ZSWIM6: variants seen among roughly 807,000 people sequenced by gnomAD.
ZSWIM6 encodes the protein zinc finger SWIM domain-containing protein 6.
ZSWIM6 carries 9 observed loss-of-function variants against 113.2 expected under a neutral mutation model. The observed-to-expected ratio is 0.08, with a 90% CI of 0.05 to 0.14. ZSWIM6 has a LOEUF of 0.14. ZSWIM6 is among the 10% of genes least tolerant of loss of function. ZSWIM6 has a pLI of 1.00. For synonymous variants in ZSWIM6, 611 were observed against 606.5 expected, an observed-to-expected ratio of 1.01 and a Z score of -0.11; for missense variants, 1,162 against 1,552.2, an observed-to-expected ratio of 0.75 and a Z score of 4.22.
chr5:61,537,782 C>T (rs1749618230), intron 10 of ZSWIM6, among the ~76,000 whole-genome samples: 1 of 152,154 alleles, frequency 6.6e-6, no homozygotes, highest in African/African-American at 2.4e-5. Flanking sequence ...TATCTTATTT[C>T]ATAGTTCTTA....
At chr5:61,444,693 T>C (rs143587160) in intron 1 of ZSWIM6, among the ~76,000 whole-genome samples, 160 of 152,338 alleles carry the variant, frequency 1.1e-3, no homozygotes, top group African/African-American at 3.6e-3. Flanking sequence ...GTTTTTGATA[T>C]TAATGTTTAA....
rs140762992 is a variant in ZSWIM6 at position 61,482,191 on chromosome 5, A to G, written c.1034-8595A>G. Among the ~76,000 whole-genome samples, 106 of 152,376 alleles carry G rather than the reference A, an allele frequency of 7.0e-4. 1 individual carries two copies. In the Middle Eastern group the frequency reaches 0.031, roughly 44 times the overall value. ...TTACATTTTATATAAGGCTTAGGCA[A>G]CATTGTAATGCATGTAATCAAGACA... On this transcript the variant is annotated intron_variant, in intron 2 of 13. Coordinates refer to ENST00000252744, the MANE Select transcript of ZSWIM6 (RefSeq NM_020928.2).
intron 1 of ZSWIM6, among the ~76,000 whole-genome samples, chr5:61,394,614 A>G (rs533060347): frequency 3.3e-5 from 5 of 152,308 alleles, no homozygotes; most frequent in African/African-American, 1.2e-4. Context: ...TGAGGGGGGA[A>G]TTATCAGTTC....
intron 1 of ZSWIM6, among the ~76,000 whole-genome samples, chr5:61,424,541 A>C (rs753531292): frequency 6.6e-6 from 1 of 152,112 alleles, no homozygotes; most frequent in Non-Finnish European, 1.5e-5. Context: ...CACTGCTTCT[A>C]ATCTTGGGCT....
intron 1 of ZSWIM6, among the ~76,000 whole-genome samples, chr5:61,454,849 G>T (rs1435584914): frequency 1.3e-5 from 2 of 150,970 alleles, no homozygotes; most frequent in Non-Finnish European, 2.9e-5. Flanking sequence ...CTCCCAAAGT[G>T]CTGGGATTAC....
chr5:61,351,123 T>C (rs984659095), intron 1 of ZSWIM6, among the ~76,000 whole-genome samples: 1 of 152,224 alleles, frequency 6.6e-6, no homozygotes, highest in Non-Finnish European at 1.5e-5. Context: ...AATTGTTGCC[T>C]GATCTAGTGC....
At chr5:61,350,880 T>C (rs1436309815) in intron 1 of ZSWIM6, among the ~76,000 whole-genome samples, 1 of 152,228 alleles carries the variant, frequency 6.6e-6, no homozygotes, top group Non-Finnish European at 1.5e-5. Context: ...TACATGAAAG[T>C]ATTTGAATTC....
At chr5:61,408,889 C>CA (rs1345103829) in intron 1 of ZSWIM6, among the ~76,000 whole-genome samples, 4 of 151,764 alleles carry the variant, frequency 2.6e-5, no homozygotes, top group African/African-American at 9.7e-5. Flanking sequence ...CAGAGACTGA[C>CA]AGCGCGAGGG....
Position 61,521,363 on chromosome 5 carries a change from T to C in ZSWIM6, c.1434T>C (p.Cys478=), listed in dbSNP as rs1317314081. ...AGAAATGGAATAGTGTTGATGTCTGTCCATGGGAAGATGGAAATCATGGCA... is the reference window on the plus strand; with the variant it reads ...AGAAATGGAATAGTGTTGATGTCTGCCCATGGGAAGATGGAAATCATGGCA... ...QLKKWNSVDV[C]PWEDGNHGSE... The change falls in exon 5 of 14, where the codon TGT becomes TGC. Residue 478 remains cysteine (C), a synonymous_variant. Coordinates refer to ENST00000252744, the MANE Select transcript of ZSWIM6 (RefSeq NM_020928.2). The C allele has an allele frequency of 4.6e-6, 7 of 1,531,480 alleles. No individual in the cohort carries two copies. Among genetic ancestry groups the C allele is most frequent in the Non-Finnish European group, 5.3e-6 (6 of 1,137,960 alleles). 94.9% of individuals were successfully genotyped at this position (1,531,480 alleles called of 1,614,324 possible). A position where few individuals can be genotyped will look rare whatever the true frequency, so the allele number is the denominator to read the frequency against.
chr5:61,543,576 C>T lies in ZSWIM6; in HGVS notation c.2907C>T (p.Asp969=). Residue 969 remains aspartate (D), a synonymous_variant, in exon 14 of 14, where the codon GAC becomes GAT. Transcript: ENST00000252744. The surrounding 1 kb of genome is among the most constrained non-coding windows in gnomAD (Gnocchi z 4.3). ...GCACCATCGTCCGCCTCCACCTGGACTGCCACCAGCAGGAAAAGCTGGCCA... is the reference window on the plus strand; with the variant it reads ...GCACCATCGTCCGCCTCCACCTGGATTGCCACCAGCAGGAAAAGCTGGCCA... The part of the protein sequence containing the change: ...SNSTIVRLHL[D]CHQQEKLASS... 2 of 1,551,800 alleles carry T rather than the reference C, an allele frequency of 1.3e-6. No homozygotes were observed. Among genetic ancestry groups the T allele is most frequent in the Non-Finnish European group, 1.7e-6 (2 of 1,147,018 alleles).
intron 1 of ZSWIM6, among the ~76,000 whole-genome samples, chr5:61,442,544 C>T (rs1746863045): frequency 6.6e-6 from 1 of 152,186 alleles, no homozygotes; most frequent in Non-Finnish European, 1.5e-5. Context: ...CAGGACCAAC[C>T]TACCTGCAAA....
intron 1 of ZSWIM6, among the ~76,000 whole-genome samples, chr5:61,437,427 A>G (rs1746732457): frequency 6.6e-6 from 1 of 152,166 alleles, no homozygotes; most frequent in Non-Finnish European, 1.5e-5. Flanking sequence ...GACTATGTAA[A>G]AAAACAAAAT....
At chr5:61,443,489 G>A (rs2112149471) in intron 1 of ZSWIM6, among the ~76,000 whole-genome samples, 1 of 152,208 alleles carries the variant, frequency 6.6e-6, no homozygotes, top group East Asian at 1.9e-4. Flanking sequence ...CAGTTCTCTT[G>A]AAGTTCAGGG....
intron 1 of ZSWIM6, among the ~76,000 whole-genome samples, chr5:61,356,346 A>T (rs1318067362): frequency 6.6e-6 from 1 of 152,132 alleles, no homozygotes; most frequent in East Asian, 1.9e-4. Context: ...ACCATCTGCC[A>T]ATTGATTATT....
At chr5:61,375,816 G>A in intron 1 of ZSWIM6, 2 of 1,253,394 alleles carry the variant, frequency 1.6e-6, no homozygotes, top group Middle Eastern at 2.6e-4. Flanking sequence ...GTAAGAAGAA[G>A]AAAAAGAAGG....
chr5:61,347,330 G>A lies in ZSWIM6; in HGVS notation c.676+14382G>A, dbSNP rs191855336. ...TCTGTCAGACTCATTGAAATGCCAA[G>A]TGGTTGATCATGGAGATGATGCAGG... is the stretch of plus-strand genomic sequence containing the variant. On this transcript the variant is annotated intron_variant, in intron 1 of 13. Coordinates refer to ENST00000252744, the MANE Select transcript of ZSWIM6 (RefSeq NM_020928.2). 2.5e-3 allele frequency: 444 copies of A among 177,228 alleles called. 1 individual carries two copies. Among genetic ancestry groups the A allele is most frequent in the Non-Finnish European group, 4.7e-3 (365 of 78,188 alleles). The allele number at this position is 177,228 out of a possible 1,614,324, so 11.0% of individuals were successfully genotyped here. A position where few individuals can be genotyped will look rare whatever the true frequency, so the allele number is the denominator to read the frequency against.
At chr5:61,394,922 T>C (rs1448566119) in intron 1 of ZSWIM6, among the ~76,000 whole-genome samples, 5 of 152,052 alleles carry the variant, frequency 3.3e-5, no homozygotes, top group Non-Finnish European at 2.9e-5. Flanking sequence ...TAGTGGACGT[T>C]GTGTGCCGTG....
At chr5:61,462,827 T>TA (rs1486158911) in intron 1 of ZSWIM6, among the ~76,000 whole-genome samples, 1 of 152,218 alleles carries the variant, frequency 6.6e-6, no homozygotes, top group Admixed American at 6.5e-5. Flanking sequence ...ACATCAAGGC[T>TA]AAGTTCACCA....
chr5:61,486,880 C>T (rs181380767), intron 2 of ZSWIM6, among the ~76,000 whole-genome samples: 133 of 152,016 alleles, frequency 8.7e-4, no homozygotes, highest in African/African-American at 3.2e-3. Context: ...TTCCATTCTG[C>T]AGGTTGTCTC....
Sources: allele counts gnomAD v4.1 joint callset (sites outside exome capture counted in the v4.1 genomes callset), GRCh38; gene constraint gnomAD v4.1.1; non-coding constraint Gnocchi (gnomAD v3.1); transcripts MANE v1.5; gene names NCBI Gene and HGNC (gene_info 2026-07-23, HGNC 2026-07-21).